Variants in TMEM140 observed in about 807,000 individuals in gnomAD.
The protein encoded by TMEM140 is transmembrane protein 140.
For missense variants in TMEM140, 236 were observed against 228.5 expected (o/e 1.03, Z -0.21); for synonymous variants, 107 against 106.8 (o/e 1.00, Z -0.01).
rs1829671543 is a variant in TMEM140, at chr7:135,151,763, A to G, written c.-25+3493A>G. On this transcript the variant is annotated intron_variant, in intron 1 of 1. Coordinates refer to ENST00000275767, the MANE Select transcript of TMEM140 (RefSeq NM_018295.5). This position sits in a 1 kb window ranked among gnomAD's most constrained non-coding sequence, Gnocchi z 4.3. ...TGAGGATGTGAGGCTCAGGCTGGCT[A>G]TGTAACTTGCCCAAGGTCATATGAC... Among the ~76,000 whole-genome samples the G allele has an allele frequency of 6.6e-6, 1 of 152,206 alleles. No individual in the cohort carries two copies. The highest frequency in any genetic ancestry group is 2.1e-4 in the South Asian group (1 of 4,822).
chr7:135,165,489 T>A lies in TMEM140; in HGVS notation c.*490T>A. On this transcript the variant is annotated 3_prime_UTR_variant, in exon 2 of 2. Coordinates refer to ENST00000275767, the MANE Select transcript of TMEM140 (RefSeq NM_018295.5). ...CTTCCACTCAGCCCACCATAGTGAG[T>A]GGGCCGCCATAAGCCATCACTGGAA... 2 of 170,056 alleles carry A rather than the reference T, an allele frequency of 1.2e-5. No homozygotes were observed. The allele number at this position is 170,056 out of a possible 1,614,324, so 10.5% of individuals were successfully genotyped here.
At chr7:135,162,593 G>C (rs1185120583) in intron 1 of TMEM140, among the ~76,000 whole-genome samples, 7 of 152,184 alleles carry the variant, frequency 4.6e-5, no homozygotes, top group Admixed American at 4.6e-4. Flanking sequence ...CATGTGCAGG[G>C]GAAATGCCCT....
intron 1 of TMEM140, among the ~76,000 whole-genome samples, chr7:135,150,176 T>C (rs1014806285): frequency 2.6e-5 from 4 of 152,148 alleles, no homozygotes; most frequent in African/African-American, 7.2e-5. Flanking sequence ...CCTAAAATAG[T>C]TTTGTTTCTC....
In TMEM140 at chr7:135,161,257, CA is replaced by C. The variant is rs773873969; in HGVS notation, c.-24-3159del. 4.6e-5 allele frequency among the ~76,000 whole-genome samples: 7 copies of C among 152,186 alleles called. No individual in the cohort carries two copies. The highest frequency in any genetic ancestry group is 1.9e-4 in the East Asian group (1 of 5,194). Reference sequence around the variant, plus strand: ...TCCTGGCGTCTGGCAGGAGCTGCCGCAAGGTGGCTGATGCAATCTCCCCGAG... The same window carrying C: ...TCCTGGCGTCTGGCAGGAGCTGCCGCAGGTGGCTGATGCAATCTCCCCGAG... On this transcript the variant is annotated intron_variant, in intron 1 of 1. Transcript: ENST00000275767. This position sits in a 1 kb window ranked among gnomAD's most constrained non-coding sequence, Gnocchi z 4.1.
intron 1 of TMEM140, among the ~76,000 whole-genome samples, chr7:135,163,082 C>T (rs1039504779): frequency 1.3e-5 from 2 of 152,184 alleles, no homozygotes; most frequent in East Asian, 3.8e-4. Context: ...AGCGTCTTCA[C>T]TTATAATGGT....
Position 135,164,724 on chromosome 7 carries a change from C to G in TMEM140, c.283C>G (p.Leu95Val). Residue 95 changes from leucine to valine, a missense_variant, in exon 2 of 2, where the codon CTC becomes GTC. Leu to Val is a conservative substitution (Grantham distance 32, BLOSUM62 1). Transcript: ENST00000275767. The stretch of plus-strand genomic sequence containing the variant: ...CGTGTACGGGTCCCTGGTCCTCACC[C>G]TCTTTGCCCCCCAGCCTCTCCTCCT... Reference protein sequence around the residue: ...LGVYGSLVLTLFAPQPLLLAQ... With the variant: ...LGVYGSLVLTVFAPQPLLLAQ... The G allele has an allele frequency of 6.2e-7, 1 of 1,614,248 alleles. No homozygotes were observed. The highest frequency in any genetic ancestry group is 8.5e-7 in the Non-Finnish European group (1 of 1,180,036).
chr7:135,160,748 C>CA (rs1455420935), intron 1 of TMEM140, among the ~76,000 whole-genome samples: 10 of 137,596 alleles, frequency 7.3e-5, no homozygotes, highest in Middle Eastern at 3.8e-3. Flanking sequence ...AAAAAAAAAA[C>CA]AAAAAAAAGA....
At chr7:135,153,773 G>A (rs1251244445) in intron 1 of TMEM140, among the ~76,000 whole-genome samples, 9 of 152,152 alleles carry the variant, frequency 5.9e-5, no homozygotes, top group Admixed American at 5.2e-4. Context: ...TTGCATCTAC[G>A]TTCACAGGGA....
chr7:135,158,370 G>C (rs955579282), intron 1 of TMEM140, among the ~76,000 whole-genome samples: 3 of 152,230 alleles, frequency 2.0e-5, no homozygotes, highest in Non-Finnish European at 4.4e-5. Flanking sequence ...TTCCAGGGAG[G>C]GGTGCTGCCC....
rs1315706188 is a variant in TMEM140, at chr7:135,165,677, G to A, written c.*678G>A. 2 of 167,098 alleles carry A rather than the reference G, an allele frequency of 1.2e-5. No homozygotes were observed. The highest frequency in any genetic ancestry group is 2.9e-5 in the Non-Finnish European group (2 of 68,184). 10.4% of individuals were successfully genotyped at this position (167,098 alleles called of 1,614,324 possible). On this transcript the variant is annotated 3_prime_UTR_variant, in exon 2 of 2. Transcript: ENST00000275767. ...ATCACTCCCATGATGAGACCCTGGA[G>A]GACTCCAAATCCTCGCTGTGAACAG... is the stretch of plus-strand genomic sequence containing the variant.
intron 1 of TMEM140, among the ~76,000 whole-genome samples, chr7:135,149,626 T>C (rs1421674894): frequency 5.3e-5 from 8 of 152,348 alleles, no homozygotes; most frequent in Admixed American, 3.3e-4. Context: ...TTTGTACAAA[T>C]GTTCACATCC....
At chr7:135,153,386 A>C (rs577915850) in intron 1 of TMEM140, among the ~76,000 whole-genome samples, 21 of 141,222 alleles carry the variant, frequency 1.5e-4, no homozygotes, top group African/African-American at 5.4e-4. Context: ...CCTGGGAGGC[A>C]GAGGTTGCAG....
intron 1 of TMEM140, among the ~76,000 whole-genome samples, chr7:135,155,952 C>A (rs1829781683): frequency 6.6e-6 from 1 of 152,118 alleles, no homozygotes; most frequent in Admixed American, 6.5e-5. Context: ...TCAGCATTTG[C>A]TTGTATGGGA....
rs138263623 is a variant in TMEM140 at position 135,164,881 on chromosome 7, C to A, written c.440C>A (p.Pro147Gln). ...YVWKWVRLSL[P>Q]GPGFLALGSA... ...TGGAAGTGGGTCAGGCTCTCCCTCCCGGGGCCTGGGTTTCTAGCTCTGGGC... is the reference window on the plus strand; with the variant it reads ...TGGAAGTGGGTCAGGCTCTCCCTCCAGGGGCCTGGGTTTCTAGCTCTGGGC... Residue 147 changes from proline to glutamine, a missense_variant, in exon 2 of 2, where the codon CCG (proline) becomes CAG (glutamine). Coordinates refer to ENST00000275767, the MANE Select transcript of TMEM140 (RefSeq NM_018295.5). 1.2e-6 allele frequency: 2 copies of A among 1,614,174 alleles called. No homozygotes were observed. The highest frequency in any genetic ancestry group is 1.7e-6 in the Non-Finnish European group (2 of 1,180,022).
Position 135,164,350 on chromosome 7 carries a change from C to T in TMEM140, c.-24-68C>T, listed in dbSNP as rs755305107. 5 of 1,287,670 alleles carry T rather than the reference C, an allele frequency of 3.9e-6. 1 individual carries two copies. The South Asian group carries it at 5.5e-5, about 14-fold the overall frequency. The allele number at this position is 1,287,670 out of a possible 1,614,324, so 79.8% of individuals were successfully genotyped here. ...TTTGTAAGAAATGCCAAAGGGAGAA[C>T]ATGAGCTTGTCTGGACACAGGGAAC... On this transcript the variant is annotated intron_variant, in intron 1 of 1. Transcript: ENST00000275767.
At chr7:135,150,524 A>G (rs540315247) in intron 1 of TMEM140, among the ~76,000 whole-genome samples, 195 of 152,328 alleles carry the variant, frequency 1.3e-3, no homozygotes, top group African/African-American at 4.5e-3. Flanking sequence ...CAGAGTTACA[A>G]GATGAAATGC....
chr7:135,158,806 G>A (rs1026960038), intron 1 of TMEM140, among the ~76,000 whole-genome samples: 7 of 152,142 alleles, frequency 4.6e-5, no homozygotes, highest in African/African-American at 9.7e-5. Flanking sequence ...CTGCTCTCCC[G>A]TCTCCCTCCT....
Position 135,159,296 on chromosome 7 carries a change from G to A in TMEM140, c.-24-5122G>A, listed in dbSNP as rs141179123. 1.9e-4 allele frequency among the ~76,000 whole-genome samples: 29 copies of A among 152,276 alleles called. No individual in the cohort carries two copies. The East Asian group carries it at 2.3e-3, about 12-fold the overall frequency. On this transcript the variant is annotated intron_variant, in intron 1 of 1. Coordinates refer to ENST00000275767, the MANE Select transcript of TMEM140 (RefSeq NM_018295.5). ...TTTAGATAGCCATCTTGATCCTTTC[G>A]AAAATTTACTCTTTCAATAAGAACC...
chr7:135,148,222 C>T lies in TMEM140; in HGVS notation c.-73C>T. 1 of 413,424 alleles carries T rather than the reference C, an allele frequency of 2.4e-6. No individual in the cohort carries two copies. Among genetic ancestry groups the T allele is most frequent in the South Asian group, 1.7e-5 (1 of 59,304 alleles). The allele number at this position is 413,424 out of a possible 1,614,324, so 25.6% of individuals were successfully genotyped here. On this transcript the variant is annotated 5_prime_UTR_variant, in exon 1 of 2. Transcript: ENST00000275767. The stretch of plus-strand genomic sequence containing the variant: ...GATTCAAACAACCAACCCTGATTTC[C>T]TGCTTCTCCTTTTCATGAGTGTTCC...
Sources: gnomAD v4.1 joint callset for allele counts (sites outside exome capture counted in the v4.1 genomes callset) on GRCh38, gnomAD v4.1.1 for gene constraint, Gnocchi (gnomAD v3.1) non-coding constraint, MANE v1.5 for transcripts, NCBI Gene and HGNC (gene_info 2026-07-23, HGNC 2026-07-21) for gene names.